Variants in PCDHGA3 observed in about 807,000 individuals in gnomAD.
PCDHGA3 encodes the protein protocadherin gamma subfamily A, 3, also known as protocadherin gamma-A3.
A neutral mutation model predicts 58.5 loss-of-function variants in PCDHGA3; 40 were observed. The observed-to-expected ratio is 0.68, with a 90% CI of 0.53 to 0.89. PCDHGA3 has a LOEUF of 0.89. Among genes scored for constraint, PCDHGA3 ranks in the 40% least tolerant of loss-of-function variants. The pLI, the probability that PCDHGA3 is intolerant of heterozygous loss-of-function variation, is 0.00. For synonymous variants in PCDHGA3, 530 were observed against 525.7 expected (o/e 1.01, Z -0.11); for missense variants, 1,223 against 1,195.9 (o/e 1.02, Z -0.33).
At chr5:141,421,252 G>A in intron 1 of PCDHGA3, 1 of 1,607,158 alleles carries the variant, frequency 6.2e-7, no homozygotes, top group Non-Finnish European at 8.5e-7. Context: ...ACAGCGCGGG[G>A]ACCGCAGTCG....
At position 141,489,910 on chromosome 5, in the gene PCDHGA3, G is replaced by T; in HGVS notation, c.2425-4897G>T. ...GGATGGGGGGACCCCAGCCCGCTCA[G>T]GGACCACCCTTATCTCTGTCATCGT... On this transcript the variant is annotated intron_variant, in intron 1 of 3. Transcript: ENST00000253812. This position sits in a 1 kb window ranked among gnomAD's most constrained non-coding sequence, Gnocchi z 4.5. 1 of 1,614,226 alleles carries T rather than the reference G, an allele frequency of 6.2e-7. No homozygotes were observed. The highest frequency in any genetic ancestry group is 8.5e-7 in the Non-Finnish European group (1 of 1,180,030).
chr5:141,390,196 T>C (rs1416526939), intron 1 of PCDHGA3: 2 of 1,613,930 alleles, frequency 1.2e-6, no homozygotes, highest in African/African-American at 2.7e-5. Context: ...AGTGAGCAGT[T>C]GAGTTCAGGA....
chr5:141,510,893 G>C (rs1334514746), intron 3 of PCDHGA3, 54 bp from the exon 4 acceptor site: 1 of 1,612,722 alleles, frequency 6.2e-7, no homozygotes, highest in African/African-American at 1.3e-5. Context: ...ATAAGACAGT[G>C]ACTGTTGAGG....
chr5:141,417,862 G>C, intron 1 of PCDHGA3: 1 of 1,550,466 alleles, frequency 6.4e-7, no homozygotes, highest in Non-Finnish European at 8.7e-7. Flanking sequence ...AGCGAACGAT[G>C]GGAGGGAGCT....
intron 1 of PCDHGA3, chr5:141,383,909 T>A: frequency 6.2e-7 from 1 of 1,613,856 alleles, no homozygotes; most frequent in Non-Finnish European, 8.5e-7. Context: ...CTGATCACAG[T>A]TTTAGATGTA....
intron 1 of PCDHGA3, chr5:141,420,103 G>C (rs754672450): frequency 4.3e-6 from 7 of 1,613,990 alleles, no homozygotes; most frequent in Non-Finnish European, 2.5e-6. Context: ...AGGGAACGTT[G>C]CCCTATGCCT....
At chr5:141,357,718 G>T in intron 1 of PCDHGA3, 1 of 1,437,468 alleles carries the variant, frequency 7.0e-7, no homozygotes, top group Middle Eastern at 1.8e-4. Context: ...AAATAAAGTT[G>T]CCTCTTTTAA....
At chr5:141,414,508 C>T in intron 1 of PCDHGA3, 1 of 1,613,970 alleles carries the variant, frequency 6.2e-7, no homozygotes, top group Non-Finnish European at 8.5e-7. Context: ...CTTTATGCTA[C>T]AAGTGGCAGA....
At chr5:141,356,327 C>G (rs1446078924) in intron 1 of PCDHGA3, 10 of 1,554,192 alleles carry the variant, frequency 6.4e-6, no homozygotes, top group African/African-American at 1.4e-5. Context: ...GACAGTGACT[C>G]AGGAGGAAAT....
At chr5:141,440,501 A>G (rs2098183001) in intron 1 of PCDHGA3, 1 of 152,174 alleles carries the variant, frequency 6.6e-6, no homozygotes, top group African/African-American at 2.4e-5. Context: ...TCACATTAAT[A>G]TGGAGATTCA....
chr5:141,355,258 C>T (rs1330047112), intron 1 of PCDHGA3: 10 of 1,613,526 alleles, frequency 6.2e-6, no homozygotes, highest in Non-Finnish European at 8.5e-6. Context: ...CTGCCTTCTC[C>T]TGGGGGTTCT....
intron 1 of PCDHGA3, chr5:141,376,683 T>G (rs993121211): frequency 8.6e-5 from 69 of 804,030 alleles, no homozygotes; most frequent in African/African-American, 6.0e-4. Flanking sequence ...ATCGTTTTTT[T>G]TTTTTTTTTT....
chr5:141,386,030 A>G (rs2090434667), intron 1 of PCDHGA3: 1 of 152,256 alleles, frequency 6.6e-6, no homozygotes, highest in African/African-American at 2.4e-5. Flanking sequence ...CATTTGTGAC[A>G]TAGGCAATTA....
intron 1 of PCDHGA3, chr5:141,479,468 T>C (rs1473966646): frequency 1.3e-5 from 2 of 152,248 alleles, no homozygotes; most frequent in African/African-American, 4.8e-5. Context: ...TACAGTGACC[T>C]CTTGGGAGGG....
intron 1 of PCDHGA3, chr5:141,409,596 AC>A: frequency 6.2e-7 from 1 of 1,613,714 alleles, no homozygotes; most frequent in Non-Finnish European, 8.5e-7. Flanking sequence ...GCCGAGAACA[AC>A]CCGCCAGGAG....
At position 141,432,660 on chromosome 5, in the gene PCDHGA3, A is replaced by G; in HGVS notation, c.2425-62147A>G. The G allele has an allele frequency of 6.2e-7, 1 of 1,613,768 alleles. No individual in the cohort carries two copies. Among genetic ancestry groups the G allele is most frequent in the African/African-American group, 1.3e-5 (1 of 75,026 alleles). ...GTGCGCACGGCGCGAGCCCTGCTGG[A>G]CAGAGACGCGCTCAAGCAGAGCCTC... On this transcript the variant is annotated intron_variant, in intron 1 of 3. Coordinates refer to ENST00000253812, the MANE Select transcript of PCDHGA3 (RefSeq NM_018916.4). The surrounding 1 kb of genome is among the most constrained non-coding windows in gnomAD (Gnocchi z 6.0).
intron 1 of PCDHGA3, chr5:141,404,898 A>G (rs760424169): frequency 1.9e-6 from 3 of 1,613,714 alleles, no homozygotes; most frequent in Non-Finnish European, 2.5e-6. Context: ...GTACAGGACC[A>G]TGGCCAGCCC....
chr5:141,500,184 T>TTTTATTTA (rs58019021), intron 2 of PCDHGA3, among the ~76,000 whole-genome samples: 1,392 of 135,954 alleles, frequency 0.01, 12 homozygotes, highest in South Asian at 0.02. Flanking sequence ...TCATTTTTAT[T>TTTTATTTA]TTTATTTATT....
At chr5:141,390,865 T>C (rs982852872) in intron 1 of PCDHGA3, 3 of 151,096 alleles carry the variant, frequency 2.0e-5, no homozygotes, top group Non-Finnish European at 2.9e-5. Context: ...ACGCTGTGTG[T>C]GCGTGTGTGT....
Sources: gnomAD v4.1 joint callset for allele counts (sites outside exome capture counted in the v4.1 genomes callset) on GRCh38, gnomAD v4.1.1 for gene constraint, Gnocchi (gnomAD v3.1) non-coding constraint, MANE v1.5 for transcripts, NCBI Gene and HGNC (gene_info 2026-07-23, HGNC 2026-07-21) for gene names.